AGO3: variants seen among roughly 807,000 people sequenced by gnomAD.
AGO3 encodes protein argonaute-3.
In AGO3, 16 loss-of-function variants were observed where a neutral mutation model predicts 105.5. The ratio of observed to expected loss-of-function variants is 0.15; its 90% CI spans 0.10 to 0.23. AGO3 has a LOEUF of 0.23. Ranked by LOEUF, AGO3 falls within the 10% of genes least tolerant of loss-of-function variation. The pLI is 1.00. For missense variants in AGO3, 534 were observed against 1,088.0 expected, an observed-to-expected ratio of 0.49 and a Z score of 7.16; for synonymous variants, 340 against 367.3, an observed-to-expected ratio of 0.93 and a Z score of 0.85.
At chr1:36,050,266 A>G (rs919945956) in intron 17 of AGO3, among the ~76,000 whole-genome samples, 12 of 152,264 alleles carry the variant, frequency 7.9e-5, no homozygotes, top group Admixed American at 6.5e-4. Context: ...TGAGTGGATC[A>G]CTTGAGGTCA....
intron 11 of AGO3, among the ~76,000 whole-genome samples, chr1:36,015,975 C>T (rs949566391): frequency 1.3e-5 from 2 of 152,058 alleles, no homozygotes; most frequent in East Asian, 1.9e-4. Context: ...TTCCAGCAGC[C>T]GCATGGTTGA....
chr1:36,041,483 C>T (rs918913734), intron 16 of AGO3, among the ~76,000 whole-genome samples: 2 of 152,000 alleles, frequency 1.3e-5, no homozygotes, highest in African/African-American at 4.8e-5. Context: ...CTTTGTGATC[C>T]GCCTGCCTCG....
At chr1:35,938,211 T>C (rs1161157436) in intron 1 of AGO3, among the ~76,000 whole-genome samples, 1 of 152,142 alleles carries the variant, frequency 6.6e-6, no homozygotes, top group Non-Finnish European at 1.5e-5. Context: ...GAACCAGACC[T>C]GACCTCAGGT....
At chr1:36,030,541 C>A (rs1171365672) in intron 12 of AGO3, among the ~76,000 whole-genome samples, 1 of 150,804 alleles carries the variant, frequency 6.6e-6, no homozygotes, top group Non-Finnish European at 1.5e-5. Flanking sequence ...AAGTACAAAT[C>A]AATAAAGGGA....
In AGO3 at chr1:36,055,523, C is replaced by T; in HGVS notation, c.2475-114C>T. On this transcript the variant is annotated intron_variant, in intron 18 of 18. Transcript: ENST00000373191. The surrounding 1 kb of genome is among the most constrained non-coding windows in gnomAD (Gnocchi z 4.4). ...AGTGATGGACACATAGATTGTTACA[C>T]CAGTCTCTTATTTGTTAATAATTTT... 1 of 970,014 alleles carries T rather than the reference C, an allele frequency of 1.0e-6. No individual in the cohort carries two copies. The highest frequency in any genetic ancestry group is 1.6e-6 in the Non-Finnish European group (1 of 632,118). 60.1% of individuals were successfully genotyped at this position (970,014 alleles called of 1,614,324 possible).
At chr1:36,004,201 T>A (rs1640237394) in intron 5 of AGO3, 140 bp from the exon 6 acceptor site, 3 of 857,868 alleles carry the variant, frequency 3.5e-6, no homozygotes, top group Non-Finnish European at 4.9e-6. Flanking sequence ...TAAAACTGCT[T>A]AATTTTGGAA....
intron 1 of AGO3, among the ~76,000 whole-genome samples, chr1:35,932,749 A>G (rs898319415): frequency 6.6e-6 from 1 of 152,160 alleles, no homozygotes; most frequent in Non-Finnish European, 1.5e-5. Flanking sequence ...GCCCTTTTAA[A>G]AAAATTACCA....
At chr1:36,015,291 C>T (rs1218462931) in intron 11 of AGO3, among the ~76,000 whole-genome samples, 8 of 152,286 alleles carry the variant, frequency 5.3e-5, no homozygotes, top group African/African-American at 7.2e-5. Context: ...GGTATGGGGA[C>T]GGAGTGTGGA....
chr1:35,995,553 A>G (rs971350398), intron 5 of AGO3, among the ~76,000 whole-genome samples: 1 of 152,186 alleles, frequency 6.6e-6, no homozygotes, highest in African/African-American at 2.4e-5. Context: ...ATTTGTATTA[A>G]AAAAATTATC....
intron 5 of AGO3, among the ~76,000 whole-genome samples, chr1:35,985,097 C>T (rs551597182): frequency 6.6e-6 from 1 of 152,054 alleles, no homozygotes; most frequent in East Asian, 1.9e-4. Flanking sequence ...TTCTGACCAA[C>T]ATGGTGAAAC....
chr1:35,932,340 A>G (rs972520485), intron 1 of AGO3, among the ~76,000 whole-genome samples: 4 of 152,248 alleles, frequency 2.6e-5, no homozygotes, highest in African/African-American at 4.8e-5. Flanking sequence ...AAGTTCGTAA[A>G]TTAATTTTCA....
chr1:36,014,064 A>T lies in AGO3; in HGVS notation c.1406+16A>T, dbSNP rs1193339784. ...AAATATTGAAGTAAGACATGTCATT[A>T]CCTTGGCTTTGGGACTTTTTTGTGT... is the stretch of plus-strand genomic sequence containing the variant. On this transcript the variant is annotated intron_variant, in intron 11 of 18. Coordinates refer to ENST00000373191, the MANE Select transcript of AGO3 (RefSeq NM_024852.4). 1 of 1,613,800 alleles carries T rather than the reference A, an allele frequency of 6.2e-7. No individual in the cohort carries two copies. The highest frequency in any genetic ancestry group is 1.1e-5 in the South Asian group (1 of 91,044).
intron 2 of AGO3, among the ~76,000 whole-genome samples, chr1:35,952,303 T>C (rs145799335): frequency 0.056 from 8,509 of 151,872 alleles, 767 homozygotes; most frequent in African/African-American, 0.19. Flanking sequence ...CCACCATGCC[T>C]GGCTAATTTT....
chr1:36,031,145 A>G (rs1641755335), intron 12 of AGO3, among the ~76,000 whole-genome samples: 1 of 152,124 alleles, frequency 6.6e-6, no homozygotes, highest in Admixed American at 6.6e-5. Flanking sequence ...TTATTTGCTG[A>G]CCTTCAACCT....
intron 16 of AGO3, 147 bp downstream of exon 16, chr1:36,040,588 C>A: frequency 1.4e-6 from 1 of 695,506 alleles, no homozygotes. Flanking sequence ...ATAGAAGCAT[C>A]AAAATAGATT....
At chr1:35,956,500 C>T (rs1646567399) in intron 2 of AGO3, among the ~76,000 whole-genome samples, 1 of 152,034 alleles carries the variant, frequency 6.6e-6, no homozygotes, top group Admixed American at 6.6e-5. Flanking sequence ...AATAAAAGAA[C>T]TGAGACTAGA....
intron 11 of AGO3, among the ~76,000 whole-genome samples, chr1:36,026,828 G>A (rs1641527591): frequency 6.6e-6 from 1 of 152,150 alleles, no homozygotes; most frequent in Admixed American, 6.6e-5. Context: ...ACTGGGAATG[G>A]AACTCTCCAT....
chr1:36,003,709 A>AAAAAAAAAAAAT (rs1295618675), intron 5 of AGO3, among the ~76,000 whole-genome samples: 67 of 99,428 alleles, frequency 6.7e-4, no homozygotes, highest in Middle Eastern at 5.6e-3. Flanking sequence ...AAAAAAAAAA[A>AAAAAAAAAAAAT]ATATATATAT....
chr1:35,945,946 A>G, intron 2 of AGO3, 83 bp downstream of exon 2: 11 of 1,375,986 alleles, frequency 8.0e-6, no homozygotes, highest in Non-Finnish European at 1.1e-5. Flanking sequence ...TCTGAATAAC[A>G]ATTACAATGT....
Sources: gnomAD v4.1 joint callset for allele counts (sites outside exome capture counted in the v4.1 genomes callset) on GRCh38, gnomAD v4.1.1 for gene constraint, Gnocchi (gnomAD v3.1) non-coding constraint, MANE v1.5 for transcripts, NCBI Gene and HGNC (gene_info 2026-07-23, HGNC 2026-07-21) for gene names.